ADGRV1: variants seen among roughly 807,000 people sequenced by gnomAD.
The protein encoded by ADGRV1 is adhesion G protein-coupled receptor V1.
ADGRV1 carries 359 observed loss-of-function variants against 596.2 expected under a neutral mutation model. The observed-to-expected ratio is 0.60, with a 90% CI of 0.55 to 0.66. The LOEUF is 0.66. Ranked by LOEUF, ADGRV1 falls within the 30% of genes least tolerant of loss-of-function variation. The pLI, the probability that ADGRV1 is intolerant of heterozygous loss-of-function variation, is 0.00. For missense variants in ADGRV1, 7,274 were observed against 7,575.6 expected, an observed-to-expected ratio of 0.96 and a Z score of 1.48; for synonymous variants, 2,681 against 2,679.2, an observed-to-expected ratio of 1.00 and a Z score of -0.02.
At chr5:90,919,994 C>CAAAAAAA (rs59122926) in intron 83 of ADGRV1, among the ~76,000 whole-genome samples, 6 of 80,064 alleles carry the variant, frequency 7.5e-5, no homozygotes, top group Non-Finnish European at 1.5e-4. Context: ...AACTCCATCT[C>CAAAAAAA]AAAAAAAAAA....
rs1188585440 is a variant in ADGRV1 at position 90,985,418 on chromosome 5, G to A, written c.18048G>A (p.Leu6016=). Residue 6016 remains leucine, a synonymous_variant, in exon 85 of 90, where the codon CTG becomes CTA. Coordinates refer to ENST00000405460, the MANE Select transcript of ADGRV1 (RefSeq NM_032119.4). The part of the protein sequence containing the change: ...TERRYLLFFL[L]SWGLPAFVVI... ...GGCGATATCTGCTGTTTTTCCTTCT[G>A]AGTTGGGGACTACCAGCTTTTGTGG... 1.2e-6 allele frequency: 2 copies of A among 1,613,716 alleles called. No individual in the cohort carries two copies. Among genetic ancestry groups the A allele is most frequent in the Non-Finnish European group, 1.7e-6 (2 of 1,179,700 alleles).
At chr5:90,624,119 G>A (rs990155290) in intron 5 of ADGRV1, among the ~76,000 whole-genome samples, 1 of 152,134 alleles carries the variant, frequency 6.6e-6, no homozygotes, top group African/African-American at 2.4e-5. Context: ...GTTCATGCTT[G>A]TGGGTGTCCA....
chr5:90,872,423 TTGTGTGTG>T (rs55743704), intron 83 of ADGRV1, among the ~76,000 whole-genome samples: 15,175 of 147,274 alleles, frequency 0.1, 794 homozygotes, highest in East Asian at 0.16. Context: ...TGGTATGAGC[TTGTGTGTG>T]TGTGTGTGTG....
chr5:91,120,024 A>C (rs540215341), intron 87 of ADGRV1, among the ~76,000 whole-genome samples: 1 of 152,302 alleles, frequency 6.6e-6, no homozygotes, highest in East Asian at 1.9e-4. Flanking sequence ...TGAGACTAGT[A>C]AGAACAAAAT....
intron 75 of ADGRV1, among the ~76,000 whole-genome samples, chr5:90,816,385 A>G (rs1410642229): frequency 6.7e-6 from 1 of 150,056 alleles, no homozygotes; most frequent in Non-Finnish European, 1.5e-5. Context: ...TTTAAATTTT[A>G]TTATTATTAT....
chr5:91,134,224 G>A (rs1366493236), intron 87 of ADGRV1, among the ~76,000 whole-genome samples: 2 of 150,682 alleles, frequency 1.3e-5, no homozygotes, highest in Non-Finnish European at 3.0e-5. Context: ...GTCACATTCT[G>A]TCACCTCGGC....
At chr5:90,909,157 A>G (rs1487124647) in intron 83 of ADGRV1, among the ~76,000 whole-genome samples, 1 of 152,186 alleles carries the variant, frequency 6.6e-6, no homozygotes, top group Non-Finnish European at 1.5e-5. Context: ...AGCATCCAGT[A>G]GGAAACGTGT....
chr5:90,971,090 G>A (rs949059532), intron 84 of ADGRV1, among the ~76,000 whole-genome samples: 2 of 152,186 alleles, frequency 1.3e-5, no homozygotes, highest in Admixed American at 6.5e-5. Context: ...TGATCAACTG[G>A]AAGAAAGGGT....
At chr5:90,846,209 G>A (rs1405347572) in intron 78 of ADGRV1, among the ~76,000 whole-genome samples, 1 of 151,496 alleles carries the variant, frequency 6.6e-6, no homozygotes, top group African/African-American at 2.5e-5. Flanking sequence ...GTTGGTAGAT[G>A]GGGCATAGTG....
intron 89 of ADGRV1, among the ~76,000 whole-genome samples, chr5:91,162,336 G>A (rs1363264592): frequency 6.6e-6 from 1 of 152,166 alleles, no homozygotes; most frequent in Non-Finnish European, 1.5e-5. Flanking sequence ...TAGCAGAGTT[G>A]ATATTGGTAG....
rs1000874623 is a variant in ADGRV1, at chr5:91,086,153, A to G, written c.18310+13549A>G. ...CATAGCCCTTTCTTCTTATGCCTGAAAACTCTGAAGTATATGTATTTTCCA... is the reference window on the plus strand; with the variant it reads ...CATAGCCCTTTCTTCTTATGCCTGAGAACTCTGAAGTATATGTATTTTCCA... On this transcript the variant is annotated intron_variant, in intron 86 of 89. Coordinates refer to ENST00000405460, the MANE Select transcript of ADGRV1 (RefSeq NM_032119.4). Among the ~76,000 whole-genome samples the G allele has an allele frequency of 9.8e-5, 15 of 152,302 alleles. No homozygotes were observed. In the East Asian group the frequency reaches 2.5e-3, roughly 25 times the overall value.
chr5:91,039,945 C>T (rs1325117014), intron 85 of ADGRV1, among the ~76,000 whole-genome samples: 1 of 151,904 alleles, frequency 6.6e-6, no homozygotes, highest in Non-Finnish European at 1.5e-5. Context: ...TGAGGTGGAA[C>T]TCCTCAGCTA....
chr5:90,715,513 TAGAG>T (rs1749970872), intron 42 of ADGRV1, among the ~76,000 whole-genome samples: 1 of 152,168 alleles, frequency 6.6e-6, no homozygotes. Flanking sequence ...CAGGTGACTT[TAGAG>T]TGGGTGAAAG....
Position 90,672,721 on chromosome 5 carries a change from A to G in ADGRV1, c.4928A>G (p.Glu1643Gly), listed in dbSNP as rs1376246763. Residue 1643 changes from glutamate (E) to glycine (G), a missense_variant and splice_region_variant, in exon 22 of 90, where the codon GAG (glutamate) becomes GGG (glycine). Transcript: ENST00000405460. Reference protein sequence around the residue: ...TITFLPWQRSEVLNIYVLDDD... With the variant: ...TITFLPWQRSGVLNIYVLDDD... ...ACATTCCTTCCTTGGCAGAGATCAG[A>G]GGTAAACCCTACCTTTTTTGTTCCT... 11 of 1,595,220 alleles carry G rather than the reference A, an allele frequency of 6.9e-6. No homozygotes were observed. Among genetic ancestry groups the G allele is most frequent in the African/African-American group, 1.3e-5 (1 of 74,396 alleles).
chr5:90,726,653 A>ATGTGTGTGTGTG, intron 48 of ADGRV1, among the ~76,000 whole-genome samples: 1 of 147,692 alleles, frequency 6.8e-6, no homozygotes, highest in South Asian at 2.2e-4. Context: ...CTCTCTGGGT[A>ATGTGTGTGTGTG]TGTGTGTGTG....
chr5:90,604,549 A>T (rs1461725892), intron 1 of ADGRV1, among the ~76,000 whole-genome samples: 1 of 152,180 alleles, frequency 6.6e-6, no homozygotes, highest in Non-Finnish European at 1.5e-5. Context: ...ACTTTTTAAG[A>T]TCTATGTAGG....
intron 83 of ADGRV1, among the ~76,000 whole-genome samples, chr5:90,923,674 C>T (rs1774103510): frequency 6.6e-6 from 1 of 152,040 alleles, no homozygotes; most frequent in Non-Finnish European, 1.5e-5. Context: ...TACATGTGCA[C>T]ATCGTGCAGG....
At position 90,755,994 on chromosome 5, in the gene ADGRV1, T is replaced by C. The variant is rs548089847; in HGVS notation, c.11581-460T>C. ...GTTTTCCCCCCCTTTTTAGAGTATT[T>C]TTTATCTCTGGAAATTTTTCATTAT... On this transcript the variant is annotated intron_variant, in intron 55 of 89. Coordinates refer to ENST00000405460, the MANE Select transcript of ADGRV1 (RefSeq NM_032119.4). Among the ~76,000 whole-genome samples, 228 of 151,520 alleles carry C rather than the reference T, an allele frequency of 1.5e-3. 1 individual carries two copies. The highest frequency in any genetic ancestry group is 5.3e-3 in the African/African-American group (219 of 41,470).
At position 90,924,482 on chromosome 5, in the gene ADGRV1, T is replaced by G. The variant is rs917681327; in HGVS notation, c.17857-40933T>G. On this transcript the variant is annotated intron_variant, in intron 83 of 89. Coordinates refer to ENST00000405460, the MANE Select transcript of ADGRV1 (RefSeq NM_032119.4). ...CGCCCACTTTTTGAGGGGGTTGTTT[T>G]TTTTTTTCTTGTAAATTTGTTTTGA... Among the ~76,000 whole-genome samples the G allele has an allele frequency of 4.3e-3, 646 of 151,866 alleles. 6 individuals carry two copies. Among genetic ancestry groups the G allele is most frequent in the African/African-American group, 0.015 (604 of 41,336 alleles).
Sources: gnomAD v4.1 joint callset for allele counts (sites outside exome capture counted in the v4.1 genomes callset) on GRCh38, gnomAD v4.1.1 for gene constraint, MANE v1.5 for transcripts, NCBI Gene and HGNC (gene_info 2026-07-23, HGNC 2026-07-21) for gene names.